Variants in CACNA1D observed in about 807,000 individuals in gnomAD.
CACNA1D encodes calcium voltage-gated channel subunit alpha1 D, also known as voltage-dependent L-type calcium channel subunit alpha-1D.
CACNA1D carries 55 observed loss-of-function variants against 257.1 expected under a neutral mutation model. The observed-to-expected ratio is 0.21, with a 90% CI of 0.17 to 0.27. CACNA1D has a LOEUF of 0.27. Ranked by LOEUF, CACNA1D falls within the 10% of genes least tolerant of loss-of-function variation. CACNA1D has a pLI of 1.00. For synonymous variants in CACNA1D, 980 were observed against 1,014.9 expected (o/e 0.97, Z 0.65); for missense variants, 1,876 against 2,784.0 (o/e 0.67, Z 7.34).
intron 8 of CACNA1D, among the ~76,000 whole-genome samples, chr3:53,676,269 C>T (rs931018669): frequency 2.0e-4 from 31 of 152,202 alleles, no homozygotes; most frequent in Non-Finnish European, 1.0e-4. Context: ...TCCGCCCCTC[C>T]GCCCCCTCGC....
chr3:53,571,531 C>A (rs2092943531), intron 3 of CACNA1D, among the ~76,000 whole-genome samples: 1 of 151,674 alleles, frequency 6.6e-6, no homozygotes, highest in Non-Finnish European at 1.5e-5. Flanking sequence ...GGCCAGGATC[C>A]CGTAGTCTCA....
chr3:53,784,253 C>T (rs1288392457), intron 39 of CACNA1D, among the ~76,000 whole-genome samples: 3 of 152,226 alleles, frequency 2.0e-5, no homozygotes, highest in Admixed American at 6.5e-5. Context: ...CCTTTCCCTT[C>T]ATTTCAGAAG....
chr3:53,776,525 G>C (rs897380694), intron 35 of CACNA1D, 78 bp from the exon 36 acceptor site: 6 of 1,559,028 alleles, frequency 3.8e-6, no homozygotes, highest in Non-Finnish European at 5.3e-6. Context: ...TCATGTCCAT[G>C]TCATTAGAAA....
chr3:53,592,914 C>G (rs922706216), intron 3 of CACNA1D, among the ~76,000 whole-genome samples: 1 of 152,168 alleles, frequency 6.6e-6, no homozygotes, highest in Admixed American at 6.5e-5. Flanking sequence ...GTCTTGAACT[C>G]CTGACCTCAG....
chr3:53,794,351 T>A (rs1334887757), intron 40 of CACNA1D, among the ~76,000 whole-genome samples: 1 of 152,132 alleles, frequency 6.6e-6, no homozygotes, highest in Non-Finnish European at 1.5e-5. Context: ...TTCATTCTCC[T>A]TGGCACCTCT....
At chr3:53,552,886 A>AT (rs767594326) in intron 3 of CACNA1D, among the ~76,000 whole-genome samples, 5 of 152,148 alleles carry the variant, frequency 3.3e-5, no homozygotes, top group Non-Finnish European at 7.4e-5. Context: ...CAGGAACTAC[A>AT]TTTTATTTTG....
At chr3:53,507,072 C>CAAAAAAAAAAAAAAAAA (rs781421977) in intron 3 of CACNA1D, among the ~76,000 whole-genome samples, 6 of 56,690 alleles carry the variant, frequency 1.1e-4, no homozygotes, top group Admixed American at 2.2e-4. Context: ...GACTCTATCT[C>CAAAAAAAAAAAAAAAAA]AAAAAAAAAA....
chr3:53,733,106 C>G, intron 19 of CACNA1D, 144 bp downstream of exon 19: 1 of 700,806 alleles, frequency 1.4e-6, no homozygotes, highest in African/African-American at 1.8e-5. Flanking sequence ...CACCCAAGTC[C>G]CCTCCAACCC....
At chr3:53,740,201 G>C in intron 20 of CACNA1D, 79 bp from the exon 21 acceptor site, 1 of 1,013,432 alleles carries the variant, frequency 9.9e-7, no homozygotes, top group East Asian at 2.4e-5. Flanking sequence ...GACTGGATCG[G>C]GGGTTTCTGC....
intron 44 of CACNA1D, among the ~76,000 whole-genome samples, chr3:53,803,916 A>C (rs968673158): frequency 1.3e-5 from 2 of 152,024 alleles, no homozygotes; most frequent in African/African-American, 4.8e-5. Context: ...TAACACTTGG[A>C]GCTCTGGCGG....
chr3:53,526,534 C>T (rs556666815), intron 3 of CACNA1D, among the ~76,000 whole-genome samples: 6 of 152,216 alleles, frequency 3.9e-5, no homozygotes, highest in Non-Finnish European at 5.9e-5. Flanking sequence ...GGTAAGCATT[C>T]GGACCTTGAC....
intron 22 of CACNA1D, 139 bp from the exon 23 acceptor site, chr3:53,744,601 G>T: frequency 1.4e-6 from 1 of 736,634 alleles, no homozygotes; most frequent in East Asian, 2.5e-5. Context: ...GTCGTGAAGA[G>T]AGATCAGCTC....
At chr3:53,611,334 C>T (rs550348357) in intron 3 of CACNA1D, among the ~76,000 whole-genome samples, 2 of 152,272 alleles carry the variant, frequency 1.3e-5, no homozygotes, top group East Asian at 1.9e-4. Context: ...GCAGTTGAGT[C>T]ATGATTGCAC....
chr3:53,682,806 A>G (rs2094444763), intron 8 of CACNA1D, among the ~76,000 whole-genome samples: 1 of 152,218 alleles, frequency 6.6e-6, no homozygotes, highest in Non-Finnish European at 1.5e-5. Flanking sequence ...TCCAGCCACA[A>G]CATACTAGTG....
chr3:53,603,342 C>T (rs188262782), intron 3 of CACNA1D, among the ~76,000 whole-genome samples: 219 of 152,266 alleles, frequency 1.4e-3, no homozygotes, highest in Admixed American at 2.8e-3. Context: ...GGGTTTGAAT[C>T]GCACCTCGGA....
intron 3 of CACNA1D, among the ~76,000 whole-genome samples, chr3:53,594,181 G>T (rs1265142489): frequency 6.6e-6 from 1 of 152,194 alleles, no homozygotes; most frequent in Non-Finnish European, 1.5e-5. Flanking sequence ...AGTCTGGTTC[G>T]TCTTAGCGAC....
intron 6 of CACNA1D, 91 bp downstream of exon 6, chr3:53,665,903 A>T: frequency 9.4e-7 from 1 of 1,061,018 alleles, no homozygotes; most frequent in Non-Finnish European, 1.4e-6. Context: ...TCTAAAACAA[A>T]ATAGGAAAAA....
chr3:53,556,697 A>C (rs1575856491), intron 3 of CACNA1D, among the ~76,000 whole-genome samples: 2 of 148,784 alleles, frequency 1.3e-5, no homozygotes, highest in South Asian at 4.3e-4. Flanking sequence ...TCTTTCTATT[A>C]TCTCTCTTGC....
At chr3:53,651,366 C>CTTTTTTCT (rs2094091851) in intron 4 of CACNA1D, among the ~76,000 whole-genome samples, 1 of 81,836 alleles carries the variant, frequency 1.2e-5, no homozygotes. Context: ...TATTAATTTT[C>CTTTTTTCT]TTTTTTTTTT....
Sources: gnomAD v4.1 joint callset for allele counts (sites outside exome capture counted in the v4.1 genomes callset) on GRCh38, gnomAD v4.1.1 for gene constraint, MANE v1.5 for transcripts, NCBI Gene and HGNC (gene_info 2026-07-23, HGNC 2026-07-21) for gene names.